The following CYP51A1 variants were observed in gnomAD, a reference collection of about 807,000 sequenced individuals.
CYP51A1 encodes lanosterol 14-alpha demethylase.
CYP51A1 carries 45 observed loss-of-function variants against 53.5 expected under a neutral mutation model. That is an observed-to-expected ratio of 0.84 (90% CI 0.66 to 1.08). The LOEUF (loss-of-function observed/expected upper bound fraction) is 1.08. Among genes scored for constraint, CYP51A1 ranks in the 50% least tolerant of loss-of-function variants. The pLI is 0.00. For missense variants in CYP51A1, 462 were observed against 621.7 expected, an observed-to-expected ratio of 0.74 and a Z score of 2.73; for synonymous variants, 181 against 217.7, an observed-to-expected ratio of 0.83 and a Z score of 1.48.
rs1293347153 is a variant in CYP51A1 at position 92,134,187 on chromosome 7, G to T, written c.178C>A (p.Leu60Met). ...AATGTACGTACCACCCCTGCGGGCA[G>T]CTGGACCAGGTGGCCGGCGGCCAGA... ...IRLAAGHLVQ[L>M]PAGVKSPPYI... The change falls in exon 1 of 10, where the codon CTG becomes ATG. Residue 60 changes from leucine to methionine, a missense_variant. Coordinates refer to ENST00000003100, the MANE Select transcript of CYP51A1 (RefSeq NM_000786.4). The T allele has an allele frequency of 6.2e-7, 1 of 1,612,078 alleles. No individual in the cohort carries two copies. The highest frequency in any genetic ancestry group is 2.2e-5 in the East Asian group (1 of 44,858).
chr7:92,115,047 G>A (rs369149652), intron 9 of CYP51A1, among the ~76,000 whole-genome samples: 9 of 152,232 alleles, frequency 5.9e-5, no homozygotes, highest in South Asian at 2.1e-4. Context: ...GGATTTAATC[G>A]CAACAAGCAA....
chr7:92,123,218 C>G lies in CYP51A1; in HGVS notation c.988G>C (p.Gly330Arg). The change falls in exon 7 of 10, where the codon GGC becomes CGC. Residue 330 changes from glycine to arginine, a missense_variant. Coordinates refer to ENST00000003100, the MANE Select transcript of CYP51A1 (RefSeq NM_000786.4). ...HTSSTTSAWM[G>R]FFLARDKTLQ... ...GTTTTGTCTCTGGCCAAAAAGAAGC[C>G]CATCCAAGCACTAGTAGTTGAGGAT... The G allele has an allele frequency of 6.2e-7, 1 of 1,613,870 alleles. No individual in the cohort carries two copies. Among genetic ancestry groups the G allele is most frequent in the Non-Finnish European group, 8.5e-7 (1 of 1,179,850 alleles).
At chr7:92,124,687 C>A (rs893177780) in intron 5 of CYP51A1, among the ~76,000 whole-genome samples, 2 of 152,124 alleles carry the variant, frequency 1.3e-5, no homozygotes, top group Non-Finnish European at 2.9e-5. Context: ...TACAGTCGAA[C>A]CAGGAAAACA....
chr7:92,128,093 T>C (rs192906089), intron 3 of CYP51A1, among the ~76,000 whole-genome samples: 2 of 152,342 alleles, frequency 1.3e-5, no homozygotes, highest in East Asian at 1.9e-4. Flanking sequence ...ACACGTGAAG[T>C]TGTTGCATTA....
At chr7:92,128,703 G>A (rs1240736410) in intron 3 of CYP51A1, among the ~76,000 whole-genome samples, 177 bp downstream of exon 3, 1 of 152,078 alleles carries the variant, frequency 6.6e-6, no homozygotes, top group Non-Finnish European at 1.5e-5. Flanking sequence ...TGGCCAGGCT[G>A]GTCTTGAACT....
intron 1 of CYP51A1, 54 bp downstream of exon 1, chr7:92,134,119 C>A: frequency 3.8e-6 from 6 of 1,566,806 alleles, no homozygotes; most frequent in Non-Finnish European, 5.2e-6. Context: ...GCCAGCCCTT[C>A]GGCCGCCTCA....
At chr7:92,121,414 A>G (rs192504355) in intron 7 of CYP51A1, among the ~76,000 whole-genome samples, 97 of 152,314 alleles carry the variant, frequency 6.4e-4, no homozygotes, top group African/African-American at 1.7e-3. Context: ...CCACTTTTTA[A>G]AACAGTCTGG....
At chr7:92,118,731 G>C (rs926398142) in intron 7 of CYP51A1, 116 bp from the exon 8 acceptor site, 5 of 653,288 alleles carry the variant, frequency 7.7e-6, no homozygotes, top group Non-Finnish European at 1.4e-5. Flanking sequence ...AAAGTACAGA[G>C]GTAACTGGTT....
intron 1 of CYP51A1, among the ~76,000 whole-genome samples, chr7:92,133,969 G>C (rs1819983675): frequency 6.6e-6 from 1 of 152,192 alleles, no homozygotes; most frequent in Non-Finnish European, 1.5e-5. Context: ...GCTACAGCCA[G>C]CGCCACCAGC....
rs1303110588 is a variant in CYP51A1, at chr7:92,134,381, A to C, written c.-17T>G. 5 of 1,556,446 alleles carry C rather than the reference A, an allele frequency of 3.2e-6. No individual in the cohort carries two copies. The South Asian group carries it at 5.9e-5, about 18-fold the overall frequency. On this transcript the variant is annotated 5_prime_UTR_variant, in exon 1 of 10. Transcript: ENST00000003100. ...CGCCGCCATTCACTCCGTCGGAAAC[A>C]CTGAAGGCCGAGGTCGCCACCGCTC...
intron 9 of CYP51A1, among the ~76,000 whole-genome samples, chr7:92,114,371 A>C (rs7798757): frequency 6.6e-6 from 1 of 152,188 alleles, no homozygotes; most frequent in African/African-American, 2.4e-5. Context: ...ATCTTGGAAA[A>C]AGAACTGAGT....
At chr7:92,134,566 T>C (rs1820006419), upstream of CYP51A1, 26 of 578,810 alleles carry the variant, frequency 4.5e-5, 1 homozygote, top group South Asian at 5.8e-4. Flanking sequence ...GCCCCTTAAA[T>C]AACACTCTGT....
chr7:92,121,080 A>C (rs377632343), intron 7 of CYP51A1, among the ~76,000 whole-genome samples: 1 of 152,156 alleles, frequency 6.6e-6, no homozygotes, highest in African/African-American at 2.4e-5. Context: ...ACTTGAGGTC[A>C]GGAGTTCAAG....
chr7:92,128,492 T>C (rs755482016), intron 3 of CYP51A1, among the ~76,000 whole-genome samples: 11 of 146,630 alleles, frequency 7.5e-5, no homozygotes, highest in Admixed American at 2.7e-4. Flanking sequence ...GGTTTTTTGT[T>C]TCTGTTTTTG....
intron 7 of CYP51A1, among the ~76,000 whole-genome samples, chr7:92,120,028 A>C (rs1819657448): frequency 6.6e-6 from 1 of 152,218 alleles, no homozygotes; most frequent in Admixed American, 6.5e-5. Flanking sequence ...ATAACATCAA[A>C]AAAATAACAA....
At chr7:92,130,255 G>T (rs1819889742) in intron 2 of CYP51A1, among the ~76,000 whole-genome samples, 1 of 152,114 alleles carries the variant, frequency 6.6e-6, no homozygotes, top group African/African-American at 2.4e-5. Flanking sequence ...AGAGAACTTA[G>T]TCTCTCTGTG....
intron 2 of CYP51A1, 37 bp downstream of exon 2, chr7:92,131,736 GT>G (rs71292987): frequency 0.037 from 31,651 of 846,866 alleles, no homozygotes; most frequent in East Asian, 0.078. Context: ...TTCTCTAGTT[GT>G]TTTTTTTTTT....
At chr7:92,120,997 A>C (rs1819680502) in intron 7 of CYP51A1, among the ~76,000 whole-genome samples, 1 of 152,168 alleles carries the variant, frequency 6.6e-6, no homozygotes, top group African/African-American at 2.4e-5. Flanking sequence ...GCAAAATCAA[A>C]ACAAAATACC....
intron 7 of CYP51A1, among the ~76,000 whole-genome samples, chr7:92,120,700 C>T (rs1461075560): frequency 6.6e-6 from 1 of 152,100 alleles, no homozygotes; most frequent in Non-Finnish European, 1.5e-5. Flanking sequence ...ACATCATATA[C>T]ATAAATTAAT....
Sources: gnomAD v4.1 joint callset for allele counts (sites outside exome capture counted in the v4.1 genomes callset) on GRCh38, gnomAD v4.1.1 for gene constraint, MANE v1.5 for transcripts, NCBI Gene and HGNC (gene_info 2026-07-23, HGNC 2026-07-21) for gene names.